The following MAN2A1 variants were observed in gnomAD, a reference collection of about 807,000 sequenced individuals.
MAN2A1 encodes mannosidase alpha class 2A member 1.
In MAN2A1, 76 loss-of-function variants were observed where a neutral mutation model predicts 142.6. The ratio of observed to expected loss-of-function variants is 0.53; its 90% CI spans 0.44 to 0.65. MAN2A1 has a LOEUF of 0.65. MAN2A1 is among the 30% of genes least tolerant of loss of function. The probability of loss-of-function intolerance (pLI) is 0.00; values close to 1 mark genes in which losing one functional copy is unlikely to be tolerated. For synonymous variants in MAN2A1, 559 were observed against 473.2 expected, an observed-to-expected ratio of 1.18 and a Z score of -2.35; for missense variants, 1,311 against 1,365.1, an observed-to-expected ratio of 0.96 and a Z score of 0.62.
intron 16 of MAN2A1, among the ~76,000 whole-genome samples, chr5:109,832,194 A>C (rs1406867911): frequency 4.1e-5 from 2 of 48,938 alleles, no homozygotes; most frequent in Non-Finnish European, 8.2e-5. Flanking sequence ...TTTAGTATTT[A>C]TTGATCATTC....
At chr5:109,772,033 A>T (rs1169649957) in intron 7 of MAN2A1, among the ~76,000 whole-genome samples, 6 of 151,328 alleles carry the variant, frequency 4.0e-5, no homozygotes, top group African/African-American at 1.5e-4. Flanking sequence ...GTGGTTTTGA[A>T]AGTGATTTCC....
intron 12 of MAN2A1, among the ~76,000 whole-genome samples, chr5:109,802,543 A>G (rs552672230): frequency 9.2e-5 from 14 of 152,324 alleles, no homozygotes; most frequent in South Asian, 2.1e-4. Context: ...GATGCATTAT[A>G]GCAGAAACCA....
At chr5:109,832,382 G>A (rs1457777559) in intron 16 of MAN2A1, among the ~76,000 whole-genome samples, 1 of 151,708 alleles carries the variant, frequency 6.6e-6, no homozygotes, top group Non-Finnish European at 1.5e-5. Context: ...GACTCTTAAC[G>A]AGCATGCTGC....
At chr5:109,694,363 T>G (rs1750753256) in intron 1 of MAN2A1, among the ~76,000 whole-genome samples, 2 of 150,676 alleles carry the variant, frequency 1.3e-5, no homozygotes, top group African/African-American at 4.9e-5. Flanking sequence ...TTCTTTGGGA[T>G]AGGGTTTTGC....
Position 109,832,759 on chromosome 5 carries a change from C to T in MAN2A1, c.2566+8922C>T, listed in dbSNP as rs1220961786. ...TTCCCTCCCGGATGGGGCGGCTGGCCGGGCCGGGGCTGCCCCCCACCTCCC... is the reference window on the plus strand; with the variant it reads ...TTCCCTCCCGGATGGGGCGGCTGGCTGGGCCGGGGCTGCCCCCCACCTCCC... On this transcript the variant is annotated intron_variant, in intron 16 of 21. Coordinates refer to ENST00000261483, the MANE Select transcript of MAN2A1 (RefSeq NM_002372.4). Among the ~76,000 whole-genome samples, 5 of 150,486 alleles carry T rather than the reference C, an allele frequency of 3.3e-5. No individual in the cohort carries two copies. In the East Asian group the frequency reaches 6.1e-4, roughly 19 times the overall value.
At chr5:109,826,674 T>G (rs1010553326) in intron 16 of MAN2A1, among the ~76,000 whole-genome samples, 2 of 152,210 alleles carry the variant, frequency 1.3e-5, no homozygotes, top group Non-Finnish European at 2.9e-5. Flanking sequence ...CCTGGCTGAT[T>G]GTGGTTTTAA....
At chr5:109,708,026 A>G (rs1238200690) in intron 1 of MAN2A1, among the ~76,000 whole-genome samples, 5 of 149,052 alleles carry the variant, frequency 3.4e-5, no homozygotes, top group African/African-American at 9.7e-5. Flanking sequence ...TAAATCATGG[A>G]GTGGATGAGA....
intron 18 of MAN2A1, among the ~76,000 whole-genome samples, 165 bp from the exon 19 acceptor site, chr5:109,847,492 C>A (rs950252682): frequency 2.0e-5 from 3 of 152,294 alleles, no homozygotes; most frequent in Non-Finnish European, 2.9e-5. Flanking sequence ...CTTTGAGCTA[C>A]TATCAAGAGA....
chr5:109,795,941 G>A (rs1159553866), intron 12 of MAN2A1, among the ~76,000 whole-genome samples: 1 of 152,064 alleles, frequency 6.6e-6, no homozygotes, highest in Non-Finnish European at 1.5e-5. Flanking sequence ...TAGCTAACAG[G>A]CTGTTAGCTA....
intron 16 of MAN2A1, among the ~76,000 whole-genome samples, chr5:109,835,948 C>T (rs764590649): frequency 5.9e-5 from 9 of 151,878 alleles, no homozygotes; most frequent in Non-Finnish European, 1.3e-4. Context: ...TTCCAAAGGC[C>T]GTCATTAGTT....
intron 6 of MAN2A1, among the ~76,000 whole-genome samples, chr5:109,769,895 TC>T (rs1409685917): frequency 1.3e-5 from 2 of 152,120 alleles, no homozygotes; most frequent in Non-Finnish European, 2.9e-5. Flanking sequence ...GCTCCACACT[TC>T]CTTTGTTCTT....
chr5:109,767,974 GC>G (rs1428290025), intron 6 of MAN2A1, among the ~76,000 whole-genome samples: 1 of 152,194 alleles, frequency 6.6e-6, no homozygotes, highest in African/African-American at 2.4e-5. Context: ...TGCCAATAAT[GC>G]TTTCACTTGC....
chr5:109,724,178 G>T (rs1216983226), intron 3 of MAN2A1, among the ~76,000 whole-genome samples: 1 of 152,060 alleles, frequency 6.6e-6, no homozygotes, highest in South Asian at 2.1e-4. Flanking sequence ...GAATATTGAA[G>T]GATTAAGGAG....
intron 12 of MAN2A1, among the ~76,000 whole-genome samples, chr5:109,804,746 T>C (rs1234903996): frequency 6.6e-6 from 1 of 152,164 alleles, no homozygotes. Flanking sequence ...ATTTGTTGTT[T>C]TCTCCTCTAT....
At chr5:109,846,754 T>C (rs1755354064) in intron 18 of MAN2A1, among the ~76,000 whole-genome samples, 1 of 152,200 alleles carries the variant, frequency 6.6e-6, no homozygotes, top group African/African-American at 2.4e-5. Context: ...ATGAGGCGTA[T>C]ACATGCATTC....
intron 12 of MAN2A1, among the ~76,000 whole-genome samples, chr5:109,792,910 C>G (rs559966868): frequency 2.0e-5 from 3 of 152,116 alleles, no homozygotes; most frequent in African/African-American, 7.2e-5. Context: ...TTGAAAGTCT[C>G]AAAAGTGAGT....
At chr5:109,835,916 G>C (rs1463657060) in intron 16 of MAN2A1, among the ~76,000 whole-genome samples, 3 of 152,114 alleles carry the variant, frequency 2.0e-5, no homozygotes. Flanking sequence ...TGGTGGTACA[G>C]AGGAAGTAAA....
At chr5:109,826,019 C>T (rs767994993) in intron 16 of MAN2A1, among the ~76,000 whole-genome samples, 1 of 150,242 alleles carries the variant, frequency 6.7e-6, no homozygotes, top group Non-Finnish European at 1.5e-5. Flanking sequence ...GATTCTCCTG[C>T]CTCAGCTTCC....
chr5:109,794,612 A>G (rs1753815808), intron 12 of MAN2A1, among the ~76,000 whole-genome samples: 2 of 152,084 alleles, frequency 1.3e-5, no homozygotes, highest in Non-Finnish European at 2.9e-5. Flanking sequence ...CTTTTAAATA[A>G]AGCTGTTTTG....
Sources: gnomAD v4.1 joint callset for allele counts (sites outside exome capture counted in the v4.1 genomes callset) on GRCh38, gnomAD v4.1.1 for gene constraint, MANE v1.5 for transcripts, NCBI Gene and HGNC (gene_info 2026-07-23, HGNC 2026-07-21) for gene names.